The following KLF17 variants were observed in gnomAD, a reference collection of about 807,000 sequenced individuals.
KLF17 encodes Krueppel-like factor 17.
A neutral mutation model predicts 34.2 loss-of-function variants in KLF17; 31 were observed. The ratio of observed to expected loss-of-function variants is 0.91; its 90% CI spans 0.68 to 1.22. The LOEUF is 1.22. Ranked by LOEUF, KLF17 falls within the 50% of genes most tolerant of loss-of-function variation. The probability of loss-of-function intolerance (pLI) is 0.00; values close to 1 mark genes in which losing one functional copy is unlikely to be tolerated. For missense variants in KLF17, 478 were observed against 505.2 expected (o/e 0.95, Z 0.52); for synonymous variants, 179 against 186.7 (o/e 0.96, Z 0.34).
intron 1 of KLF17, among the ~76,000 whole-genome samples, chr1:44,124,051 G>T (rs1288625793): frequency 6.6e-6 from 1 of 151,978 alleles, no homozygotes; most frequent in Non-Finnish European, 1.5e-5. Flanking sequence ...ATATTCTATT[G>T]TTGAGTGGAG....
chr1:44,064,789 T>C, the KLF17 span, among the ~76,000 whole-genome samples: 1 of 152,248 alleles, frequency 6.6e-6, no homozygotes, highest in African/African-American at 2.4e-5. Flanking sequence ...ATTCTATTAG[T>C]CATTTGAGGT....
the KLF17 span, among the ~76,000 whole-genome samples, chr1:44,111,540 G>C: frequency 3.2e-5 from 4 of 126,892 alleles, no homozygotes; most frequent in African/African-American, 1.2e-4. Flanking sequence ...CAGGAAAATT[G>C]CAAAAGTAGT....
At chr1:44,086,590 G>A in the KLF17 span, among the ~76,000 whole-genome samples, 2 of 152,208 alleles carry the variant, frequency 1.3e-5, no homozygotes, top group African/African-American at 4.8e-5. Context: ...TGTTTCCTGG[G>A]TTTTTGGAGA....
the KLF17 span, among the ~76,000 whole-genome samples, chr1:44,090,143 A>AAG: frequency 4.0e-5 from 6 of 150,336 alleles, no homozygotes; most frequent in South Asian, 4.2e-4. Flanking sequence ...AAAAAAAAAA[A>AAG]AGAGAGAGAG....
the KLF17 span, among the ~76,000 whole-genome samples, chr1:44,092,653 GA>G: frequency 7.0e-6 from 1 of 142,452 alleles, no homozygotes; most frequent in East Asian, 2.0e-4. Flanking sequence ...TTTTTCCTTT[GA>G]GACAGGGTCT....
chr1:44,061,385 G>A, the KLF17 span, among the ~76,000 whole-genome samples: 1 of 152,136 alleles, frequency 6.6e-6, no homozygotes, highest in African/African-American at 2.4e-5. Context: ...TAGGAGGCAG[G>A]ACTCAACTCT....
the KLF17 span, among the ~76,000 whole-genome samples, chr1:44,110,990 G>C: frequency 6.6e-6 from 1 of 151,914 alleles, no homozygotes; most frequent in Non-Finnish European, 1.5e-5. Flanking sequence ...GCATTATTCT[G>C]TTTTCCTTTT....
the KLF17 span, among the ~76,000 whole-genome samples, chr1:44,090,306 C>CAAAAAAAAAAAAAAAAAAAA: frequency 8.5e-5 from 2 of 23,416 alleles, no homozygotes; most frequent in African/African-American, 1.9e-4. Context: ...CTTGTCTCTA[C>CAAAAAAAAAAAAAAAAAAAA]AAAAAAAAAA....
chr1:44,077,945 C>T, the KLF17 span, among the ~76,000 whole-genome samples: 1 of 152,076 alleles, frequency 6.6e-6, no homozygotes, highest in Non-Finnish European at 1.5e-5. Flanking sequence ...TTGTTGCAGC[C>T]GTCTTTGGAA....
chr1:44,087,753 TATATATATATATATATACACACACAC>T, the KLF17 span, among the ~76,000 whole-genome samples: 11 of 69,918 alleles, frequency 1.6e-4, no homozygotes, highest in Non-Finnish European at 2.4e-4. Flanking sequence ...TATATATATA[TATATATATATATATATACACACACAC>T]ACACACACAC....
At chr1:44,101,204 A>G in the KLF17 span, among the ~76,000 whole-genome samples, 12 of 152,272 alleles carry the variant, frequency 7.9e-5, no homozygotes, top group African/African-American at 2.9e-4. Context: ...CTATATCTTT[A>G]TCTCAAAATA....
At chr1:44,058,453 G>T in the KLF17 span, among the ~76,000 whole-genome samples, 2 of 151,968 alleles carry the variant, frequency 1.3e-5, no homozygotes, top group African/African-American at 2.4e-5. Context: ...ACCAAGCCCG[G>T]CTAATTTTTG....
chr1:44,103,946 C>T, the KLF17 span: 5 of 862,132 alleles, frequency 5.8e-6, no homozygotes, highest in Non-Finnish European at 6.0e-6. Flanking sequence ...TGCTCTCAGC[C>T]TCAGCCCGCC....
In KLF17 at chr1:44,130,541, A is replaced by C. The variant is rs777766657; in HGVS notation, c.955A>C (p.Ser319Arg). 7 of 1,614,130 alleles carry C rather than the reference A, an allele frequency of 4.3e-6. No individual in the cohort carries two copies. The South Asian group carries it at 7.7e-5, about 18-fold the overall frequency. The change falls in exon 3 of 4, where the codon AGT becomes CGT. Residue 319 changes from serine to arginine, a missense_variant. Transcript: ENST00000372299. ...GERPYSCNWE[S>R]CSWSFFRSDE... ...GAGGCCATATTCTTGCAACTGGGAA[A>C]GTTGTTCATGGTCTTTCTTCCGTTC...
the KLF17 span, among the ~76,000 whole-genome samples, chr1:44,053,550 C>G: frequency 6.6e-6 from 1 of 152,170 alleles, no homozygotes. Flanking sequence ...TGGCCCATAT[C>G]CCCTACTGCC....
At chr1:44,059,127 G>C in the KLF17 span, among the ~76,000 whole-genome samples, 1 of 152,136 alleles carries the variant, frequency 6.6e-6, no homozygotes, top group Admixed American at 6.5e-5. Flanking sequence ...CAGCACAAAA[G>C]GAGGCCCCTG....
At chr1:44,126,914 G>T (rs1254722484) in intron 1 of KLF17, among the ~76,000 whole-genome samples, 1 of 151,860 alleles carries the variant, frequency 6.6e-6, no homozygotes, top group East Asian at 1.9e-4. Context: ...TATTTATTTT[G>T]AGATGGGGTC....
At chr1:44,049,230 C>T in the KLF17 span, among the ~76,000 whole-genome samples, 1 of 152,150 alleles carries the variant, frequency 6.6e-6, no homozygotes, top group African/African-American at 2.4e-5. Context: ...ACCCTCATCA[C>T]CGCATCTAAA....
At chr1:44,051,679 A>G in the KLF17 span, 1 of 149,794 alleles carries the variant, frequency 6.7e-6, no homozygotes, top group Non-Finnish European at 1.5e-5. Flanking sequence ...CAGTCGTTTT[A>G]TTTTCAGTCC....
Sources: allele counts gnomAD v4.1 joint callset (sites outside exome capture counted in the v4.1 genomes callset), GRCh38; gene constraint gnomAD v4.1.1; transcripts MANE v1.5; gene names NCBI Gene and HGNC (gene_info 2026-07-23, HGNC 2026-07-21).